GABRB2: variants seen among roughly 807,000 people sequenced by gnomAD.
GABRB2 encodes the protein gamma-aminobutyric acid receptor subunit beta-2.
Under a neutral mutation model 54.7 loss-of-function variants are expected in GABRB2, and 16 were observed. The ratio of observed to expected loss-of-function variants is 0.29; its 90% CI spans 0.20 to 0.44. GABRB2 has a LOEUF of 0.44. GABRB2 is among the 20% of genes least tolerant of loss of function. GABRB2 has a pLI of 1.00. For missense variants in GABRB2, 355 were observed against 644.0 expected, an observed-to-expected ratio of 0.55 and a Z score of 4.86; for synonymous variants, 244 against 233.8, an observed-to-expected ratio of 1.04 and a Z score of -0.40.
At chr5:161,419,495 G>C (rs549585788) in intron 4 of GABRB2, among the ~76,000 whole-genome samples, 1 of 152,212 alleles carries the variant, frequency 6.6e-6, no homozygotes, top group Non-Finnish European at 1.5e-5. Flanking sequence ...TACGCCAAAA[G>C]GATAACTGCT....
chr5:161,497,349 G>T (rs1759282828), intron 3 of GABRB2, among the ~76,000 whole-genome samples: 1 of 152,022 alleles, frequency 6.6e-6, no homozygotes, highest in African/African-American at 2.4e-5. Flanking sequence ...GTGTGGTGAT[G>T]GACATTAGCA....
intron 3 of GABRB2, among the ~76,000 whole-genome samples, chr5:161,527,966 AAAATAATTTTAC>A (rs1267499113): frequency 5.3e-5 from 8 of 151,774 alleles, no homozygotes; most frequent in African/African-American, 1.7e-4. Flanking sequence ...TTTACCAAAG[AAAATAATTTTAC>A]AAATGCATCA....
intron 3 of GABRB2, among the ~76,000 whole-genome samples, chr5:161,469,621 G>T (rs1445937078): frequency 6.6e-6 from 1 of 151,876 alleles, no homozygotes; most frequent in African/African-American, 2.4e-5. Flanking sequence ...TTAAGGTAAA[G>T]ACTTCATATC....
Position 161,326,494 on chromosome 5 carries a change from G to C in GABRB2, c.1078-13C>G. 6.2e-7 allele frequency: 1 copy of C among 1,611,778 alleles called. No individual in the cohort carries two copies. Among genetic ancestry groups the C allele is most frequent in the Non-Finnish European group, 8.5e-7 (1 of 1,178,738 alleles). ...CTTTATAAAAAATCTGGAAGACAAA[G>C]TAGAGAATGTGCTAATTAAGTCGAT... On this transcript the variant is annotated splice_polypyrimidine_tract_variant and intron_variant, in intron 8 of 9. Coordinates refer to ENST00000393959, the MANE Select transcript of GABRB2 (RefSeq NM_001371727.1).
Position 161,502,610 on chromosome 5 carries a change from G to T in GABRB2, c.237+42617C>A, listed in dbSNP as rs528302460. Among the ~76,000 whole-genome samples, 256 of 152,244 alleles carry T rather than the reference G, an allele frequency of 1.7e-3. 1 individual carries two copies. Among genetic ancestry groups the T allele is most frequent in the African/African-American group, 5.9e-3 (247 of 41,560 alleles). ...AAGTATTGAACATCAGACAGCCCAG[G>T]GCTGTGATCTTTAGAGGAAAGAAAC... On this transcript the variant is annotated intron_variant, in intron 3 of 9. Coordinates refer to ENST00000393959, the MANE Select transcript of GABRB2 (RefSeq NM_001371727.1).
chr5:161,494,373 A>G lies in GABRB2; in HGVS notation c.238-34529T>C, dbSNP rs183251247. Among the ~76,000 whole-genome samples the G allele has an allele frequency of 4.8e-4, 73 of 151,994 alleles. 1 individual carries two copies. The East Asian group carries it at 0.011, about 23-fold the overall frequency. ...CTTACTGGATTACGTAATAGATGAG[A>G]AGAGACCATGAGAGTTGACTTTATT... On this transcript the variant is annotated intron_variant, in intron 3 of 9. Coordinates refer to ENST00000393959, the MANE Select transcript of GABRB2 (RefSeq NM_001371727.1).
At chr5:161,311,108 G>T (rs2113364610) in intron 9 of GABRB2, among the ~76,000 whole-genome samples, 1 of 152,192 alleles carries the variant, frequency 6.6e-6, no homozygotes, top group Non-Finnish European at 1.5e-5. Flanking sequence ...AAGTCCCCTA[G>T]GTTTTGTCTA....
intron 9 of GABRB2, among the ~76,000 whole-genome samples, chr5:161,312,528 TCAAAA>T (rs1398797676): frequency 1.3e-5 from 2 of 152,154 alleles, no homozygotes; most frequent in South Asian, 2.1e-4. Context: ...TTGAAAACTC[TCAAAA>T]CAAAACAAAA....
intron 4 of GABRB2, among the ~76,000 whole-genome samples, chr5:161,412,490 T>TAAAC (rs1756545423): frequency 6.6e-6 from 1 of 152,170 alleles, no homozygotes; most frequent in African/African-American, 2.4e-5. Context: ...CCAGCCACTC[T>TAAAC]ATTCACTGCC....
At chr5:161,409,553 T>C (rs1756446116) in intron 5 of GABRB2, among the ~76,000 whole-genome samples, 1 of 152,120 alleles carries the variant, frequency 6.6e-6, no homozygotes, top group African/African-American at 2.4e-5. Flanking sequence ...ACTGTGATTA[T>C]TTGATATCCC....
intron 5 of GABRB2, among the ~76,000 whole-genome samples, chr5:161,386,824 C>CAAA (rs55916255): frequency 0.056 from 7,713 of 136,826 alleles, 400 homozygotes; most frequent in Admixed American, 0.15. Context: ...TGTGCCCAGC[C>CAAA]AAAAAAAAAA....
At chr5:161,481,510 AAT>A (rs1368707708) in intron 3 of GABRB2, among the ~76,000 whole-genome samples, 1 of 152,030 alleles carries the variant, frequency 6.6e-6, no homozygotes, top group African/African-American at 2.4e-5. Context: ...ACAGCTTAAA[AAT>A]ATGTTACCTA....
At chr5:161,448,349 G>A (rs1385534121) in intron 4 of GABRB2, among the ~76,000 whole-genome samples, 1 of 152,080 alleles carries the variant, frequency 6.6e-6, no homozygotes, top group East Asian at 1.9e-4. Flanking sequence ...CTAGAGACCA[G>A]GGATTCGAAG....
At chr5:161,351,406 T>C (rs1754465698) in intron 5 of GABRB2, among the ~76,000 whole-genome samples, 1 of 152,096 alleles carries the variant, frequency 6.6e-6, no homozygotes, top group Admixed American at 6.6e-5. Flanking sequence ...ATATTTATAG[T>C]CAATTGATTT....
At chr5:161,392,786 T>C (rs1755870473) in intron 5 of GABRB2, among the ~76,000 whole-genome samples, 1 of 152,186 alleles carries the variant, frequency 6.6e-6, no homozygotes, top group Non-Finnish European at 1.5e-5. Context: ...TATCTATAGA[T>C]AATCATTTTG....
intron 4 of GABRB2, among the ~76,000 whole-genome samples, chr5:161,419,646 T>A (rs1756790452): frequency 6.6e-6 from 1 of 152,228 alleles, no homozygotes; most frequent in African/African-American, 2.4e-5. Flanking sequence ...GAATGAAATC[T>A]TGTCTTTGCA....
chr5:161,322,094 A>G (rs923856011), intron 9 of GABRB2, among the ~76,000 whole-genome samples: 3 of 152,168 alleles, frequency 2.0e-5, no homozygotes, highest in African/African-American at 7.2e-5. Flanking sequence ...TCTAACATTA[A>G]GAAAGTTAAT....
In GABRB2 at chr5:161,409,147, C is replaced by T. The variant is rs2216652; in HGVS notation, c.541+1828G>A. 3.4e-3 allele frequency among the ~76,000 whole-genome samples: 523 copies of T among 152,074 alleles called. 2 individuals carry two copies. The highest frequency in any genetic ancestry group is 5.2e-3 in the Non-Finnish European group (353 of 67,944). The stretch of plus-strand genomic sequence containing the variant: ...TAGAATAAGGGTCTGTTAATCTGGT[C>T]CCTCCAAAATCAGTGTCTTTTCTAA... On this transcript the variant is annotated intron_variant, in intron 5 of 9. Coordinates refer to ENST00000393959, the MANE Select transcript of GABRB2 (RefSeq NM_001371727.1).
intron 3 of GABRB2, among the ~76,000 whole-genome samples, chr5:161,531,732 T>TAA (rs1187170608): frequency 6.7e-6 from 1 of 148,384 alleles, no homozygotes; most frequent in Non-Finnish European, 1.5e-5. Context: ...TATGAGAAAT[T>TAA]AAAAAAAAAA....
Sources: allele counts gnomAD v4.1 joint callset (sites outside exome capture counted in the v4.1 genomes callset), GRCh38; gene constraint gnomAD v4.1.1; transcripts MANE v1.5; gene names NCBI Gene and HGNC (gene_info 2026-07-23, HGNC 2026-07-21).